Variants in RASGRP3 observed in about 807,000 individuals in gnomAD.
RASGRP3 encodes the protein RAS guanyl releasing protein 3.
A neutral mutation model predicts 82.7 loss-of-function variants in RASGRP3; 54 were observed. That is an observed-to-expected ratio of 0.65 (90% CI 0.52 to 0.82). The LOEUF (loss-of-function observed/expected upper bound fraction) is 0.82. Ranked by LOEUF, RASGRP3 falls within the 40% of genes least tolerant of loss-of-function variation. RASGRP3 has a pLI of 0.00. For missense variants in RASGRP3, 861 were observed against 828.9 expected (o/e 1.04, Z -0.48); for synonymous variants, 309 against 300.5 (o/e 1.03, Z -0.29).
chr2:33,525,944 T>A (rs1672520025), intron 9 of RASGRP3, among the ~76,000 whole-genome samples: 1 of 151,990 alleles, frequency 6.6e-6, no homozygotes, highest in South Asian at 2.1e-4. Flanking sequence ...TATCGGAGAG[T>A]TTTGTTTTTT....
intron 1 of RASGRP3, among the ~76,000 whole-genome samples, chr2:33,490,264 C>T (rs1466180113): frequency 1.3e-5 from 2 of 152,182 alleles, no homozygotes; most frequent in Non-Finnish European, 2.9e-5. Flanking sequence ...CTTGCCACAA[C>T]CTCTGCCAAC....
At chr2:33,451,362 C>G in intron 2 of RASGRP3, among the ~76,000 whole-genome samples, 1 of 152,198 alleles carries the variant, frequency 6.6e-6, no homozygotes, top group East Asian at 1.9e-4. Context: ...ATCCCACAGG[C>G]TGTCTCTACA....
intron 2 of RASGRP3, among the ~76,000 whole-genome samples, chr2:33,457,847 A>AG (rs1666126500): frequency 1.3e-5 from 2 of 152,234 alleles, no homozygotes; most frequent in Admixed American, 6.5e-5. Flanking sequence ...GGTTAAAAAA[A>AG]GTTTTAAAGT....
At chr2:33,538,913 C>T (rs946411354) in intron 11 of RASGRP3, among the ~76,000 whole-genome samples, 181 bp from the exon 12 acceptor site, 8 of 151,946 alleles carry the variant, frequency 5.3e-5, no homozygotes, top group African/African-American at 1.7e-4. Context: ...GTGGCACACA[C>T]CTGTAGTCCT....
rs781000049 is a variant in RASGRP3, at chr2:33,555,504, C to T, written c.1543-27C>T. ...CCTTCCAGATCTATCCTCAGATTCCCTGACATTCCTTTGTCTTTTGTTACA... is the reference window on the plus strand; with the variant it reads ...CCTTCCAGATCTATCCTCAGATTCCTTGACATTCCTTTGTCTTTTGTTACA... On this transcript the variant is annotated intron_variant, in intron 14 of 17. Coordinates refer to ENST00000403687, the MANE Select transcript of RASGRP3 (RefSeq NM_001139488.2). 9.5e-6 allele frequency: 15 copies of T among 1,578,780 alleles called. No homozygotes were observed. The South Asian group carries it at 1.6e-4, about 17-fold the overall frequency.
intron 2 of RASGRP3, among the ~76,000 whole-genome samples, chr2:33,470,945 C>T (rs769120969): frequency 3.0e-4 from 46 of 152,018 alleles, no homozygotes; most frequent in Non-Finnish European, 5.7e-4. Context: ...CTTTTTCTTG[C>T]CTGGTTGCAG....
chr2:33,546,107 G>A (rs112909272), intron 13 of RASGRP3, among the ~76,000 whole-genome samples: 6,010 of 151,714 alleles, frequency 0.04, 401 homozygotes, highest in African/African-American at 0.14. Flanking sequence ...ACCGTGCCCA[G>A]CCAAGAATGG....
At chr2:33,531,435 A>ATC (rs1184224545) in intron 10 of RASGRP3, among the ~76,000 whole-genome samples, 1 of 152,176 alleles carries the variant, frequency 6.6e-6, no homozygotes, top group Non-Finnish European at 1.5e-5. Context: ...CTGGGAAAGA[A>ATC]GAGATGCTAG....
rs1016413548 is a variant in RASGRP3, at chr2:33,511,859, A to G, written c.-128+17A>G. The G allele has an allele frequency of 6.6e-6, 1 of 152,666 alleles. No homozygotes were observed. Among genetic ancestry groups the G allele is most frequent in the South Asian group, 2.1e-4 (1 of 4,834 alleles). 9.5% of individuals were successfully genotyped at this position (152,666 alleles called of 1,614,324 possible). Reference sequence around the variant, plus strand: ...AAACAACAGGTAAGTATTTCTTTAAATTGTCATAAATTATGTAAGAATTCT... The same window carrying G: ...AAACAACAGGTAAGTATTTCTTTAAGTTGTCATAAATTATGTAAGAATTCT... On this transcript the variant is annotated intron_variant, in intron 2 of 17. Transcript: ENST00000403687.
upstream of RASGRP3, among the ~76,000 whole-genome samples, chr2:33,475,863 C>T (rs1292533928): frequency 6.6e-6 from 1 of 152,204 alleles, no homozygotes; most frequent in Non-Finnish European, 1.5e-5. Context: ...CTGTAAAGCG[C>T]GTTGTCAACT....
At chr2:33,478,402 T>A (rs1667569531) in intron 1 of RASGRP3, among the ~76,000 whole-genome samples, 1 of 152,096 alleles carries the variant, frequency 6.6e-6, no homozygotes, top group Admixed American at 6.5e-5. Flanking sequence ...TCCTCCTGAG[T>A]CATTCTTTAG....
chr2:33,458,524 A>C (rs551018537), intron 2 of RASGRP3, among the ~76,000 whole-genome samples: 1 of 152,344 alleles, frequency 6.6e-6, no homozygotes, highest in East Asian at 1.9e-4. Context: ...GAAGCCGTGT[A>C]ATTCAGAAGA....
intron 13 of RASGRP3, among the ~76,000 whole-genome samples, chr2:33,546,844 G>C (rs1200754065): frequency 6.6e-6 from 1 of 152,052 alleles, no homozygotes; most frequent in Non-Finnish European, 1.5e-5. Context: ...GAGGCAGGCG[G>C]AACACCTGAG....
intron 1 of RASGRP3, among the ~76,000 whole-genome samples, chr2:33,485,531 T>G (rs988895056): frequency 6.6e-6 from 1 of 152,196 alleles, no homozygotes. Context: ...TGGTGACAGG[T>G]ATGAAAAAGA....
chr2:33,494,731 G>T lies in RASGRP3; in HGVS notation c.-260-16979G>T, dbSNP rs1328942099. Among the ~76,000 whole-genome samples, 4 of 152,110 alleles carry T rather than the reference G, an allele frequency of 2.6e-5. No homozygotes were observed. The East Asian group carries it at 7.7e-4, about 29-fold the overall frequency. ...AATCTTTACAAAGTAAAGTATTGAG[G>T]GGGCATTGGCACCCAGTCCCATGCT... On this transcript the variant is annotated intron_variant, in intron 1 of 17. Coordinates refer to ENST00000403687, the MANE Select transcript of RASGRP3 (RefSeq NM_001139488.2).
At chr2:33,487,899 G>A (rs1400135696) in intron 1 of RASGRP3, among the ~76,000 whole-genome samples, 2 of 152,174 alleles carry the variant, frequency 1.3e-5, no homozygotes, top group Non-Finnish European at 2.9e-5. Flanking sequence ...CGGGAATTCT[G>A]AGACCAGCCT....
At chr2:33,553,708 ACTGCTCTGTCCTAGGAGACATTTGCAT>A (rs1675596703) in intron 14 of RASGRP3, among the ~76,000 whole-genome samples, 1 of 152,118 alleles carries the variant, frequency 6.6e-6, no homozygotes, top group Non-Finnish European at 1.5e-5. Context: ...AAGACAAAAT[ACTGCTCTGTCCTAGGAGACATTTGCAT>A]TTTATTTATT....
intron 1 of RASGRP3, among the ~76,000 whole-genome samples, chr2:33,484,819 G>A (rs961210073): frequency 1.1e-4 from 17 of 152,182 alleles, no homozygotes; most frequent in African/African-American, 4.1e-4. Context: ...AAGCCAGTGA[G>A]TAAGAGTCTA....
chr2:33,446,110 A>T (rs1665485621), intron 1 of RASGRP3, among the ~76,000 whole-genome samples: 1 of 152,114 alleles, frequency 6.6e-6, no homozygotes, highest in Non-Finnish European at 1.5e-5. Flanking sequence ...GTTAATGTGT[A>T]GCCATTCTTT....
Sources: allele counts gnomAD v4.1 joint callset (sites outside exome capture counted in the v4.1 genomes callset), GRCh38; gene constraint gnomAD v4.1.1; transcripts MANE v1.5; gene names NCBI Gene and HGNC (gene_info 2026-07-23, HGNC 2026-07-21).